Variants in FCHSD2 observed in about 807,000 individuals in gnomAD.
The protein encoded by FCHSD2 is FCH and double SH3 domains 2.
Under a neutral mutation model 108.1 loss-of-function variants are expected in FCHSD2, and 38 were observed. That is an observed-to-expected ratio of 0.35 (90% confidence interval 0.27 to 0.46). FCHSD2 has a LOEUF of 0.46. FCHSD2 is among the 20% of genes least tolerant of loss of function. The probability of loss-of-function intolerance (pLI) is 1.00; values close to 1 mark genes in which losing one functional copy is unlikely to be tolerated. For synonymous variants in FCHSD2, 279 were observed against 314.7 expected, an observed-to-expected ratio of 0.89 and a Z score of 1.20; for missense variants, 751 against 897.8, an observed-to-expected ratio of 0.84 and a Z score of 2.09.
intron 8 of FCHSD2, among the ~76,000 whole-genome samples, chr11:72,948,734 C>T (rs1385800665): frequency 2.7e-5 from 4 of 150,776 alleles, no homozygotes; most frequent in African/African-American, 4.9e-5. Flanking sequence ...GGCACAATCT[C>T]GGCTCACTGC....
intron 3 of FCHSD2, among the ~76,000 whole-genome samples, chr11:73,016,158 C>T (rs1427255137): frequency 6.6e-6 from 1 of 151,998 alleles, no homozygotes; most frequent in East Asian, 1.9e-4. Context: ...CAAAAATTAG[C>T]CGGGTGTGGT....
intron 2 of FCHSD2, among the ~76,000 whole-genome samples, chr11:73,096,381 A>C (rs1475900212): frequency 1.3e-5 from 2 of 148,648 alleles, no homozygotes; most frequent in African/African-American, 4.9e-5. Flanking sequence ...CCTCTACAAA[A>C]AAAAAAAAAA....
chr11:72,957,193 C>G (rs1259385750), intron 8 of FCHSD2, among the ~76,000 whole-genome samples: 1 of 115,538 alleles, frequency 8.7e-6, no homozygotes, highest in Non-Finnish European at 1.7e-5. Flanking sequence ...CTCCCCCCAC[C>G]CCACCACAGT....
intron 4 of FCHSD2, among the ~76,000 whole-genome samples, chr11:73,004,608 C>T (rs1163555630): frequency 4.6e-5 from 7 of 152,154 alleles, no homozygotes; most frequent in Non-Finnish European, 7.3e-5. Context: ...CTTATGTATG[C>T]CCTTTTTACC....
Position 73,140,124 on chromosome 11 carries a change from T to G in FCHSD2, c.26A>C (p.Lys9Thr), listed in dbSNP as rs1445835820. 1 of 1,530,586 alleles carries G rather than the reference T, an allele frequency of 6.5e-7. No individual in the cohort carries two copies. The highest frequency in any genetic ancestry group is 1.4e-5 in the African/African-American group (1 of 72,350). 94.8% of individuals were successfully genotyped at this position (1,530,586 alleles called of 1,614,324 possible). The change falls in exon 2 of 20, where the codon AAA (lysine) becomes ACA (threonine). Residue 9 changes from lysine to threonine, a missense_variant. Lys to Thr is a moderately conservative substitution (Grantham distance 78, BLOSUM62 -1). Coordinates refer to ENST00000409418, the MANE Select transcript of FCHSD2 (RefSeq NM_014824.3). MQPPPRKV[K>T]VTQELKNIQV... Reference sequence around the variant, plus strand: ...AATGTTTTTCAGTTCTTGTGTAACTTTCACCTAAAATATACCATATATTTA... The same window carrying G: ...AATGTTTTTCAGTTCTTGTGTAACTGTCACCTAAAATATACCATATATTTA...
At chr11:72,950,095 T>C (rs1435863050) in intron 8 of FCHSD2, among the ~76,000 whole-genome samples, 3 of 152,236 alleles carry the variant, frequency 2.0e-5, no homozygotes, top group African/African-American at 7.2e-5. Context: ...TGGTATTTCA[T>C]TGTGATTTTG....
chr11:72,887,001 C>T (rs1855211233), intron 12 of FCHSD2, among the ~76,000 whole-genome samples: 1 of 152,008 alleles, frequency 6.6e-6, no homozygotes, highest in African/African-American at 2.4e-5. Flanking sequence ...CAAATCTTCC[C>T]TATTCTTAAA....
intron 12 of FCHSD2, among the ~76,000 whole-genome samples, chr11:72,874,664 T>G (rs1373385811): frequency 1.3e-5 from 2 of 152,216 alleles, no homozygotes; most frequent in African/African-American, 4.8e-5. Flanking sequence ...TAATCCAGTT[T>G]TTATAAGATT....
intron 12 of FCHSD2, among the ~76,000 whole-genome samples, chr11:72,869,905 G>C (rs565461897): frequency 2.0e-4 from 31 of 151,854 alleles, no homozygotes; most frequent in African/African-American, 7.0e-4. Context: ...CATAACTCCT[G>C]ACTGTCTACT....
intron 2 of FCHSD2, among the ~76,000 whole-genome samples, chr11:73,130,041 C>A (rs1860958466): frequency 6.6e-6 from 1 of 151,750 alleles, no homozygotes; most frequent in African/African-American, 2.4e-5. Context: ...CCACCACGCC[C>A]AGCTAATTTT....
At chr11:73,086,277 T>C (rs1859814570) in intron 2 of FCHSD2, among the ~76,000 whole-genome samples, 1 of 151,928 alleles carries the variant, frequency 6.6e-6, no homozygotes, top group Non-Finnish European at 1.5e-5. Context: ...GGCGTGGTGG[T>C]GCGTGCCTGT....
chr11:72,968,683 T>C (rs1057436339), intron 8 of FCHSD2, among the ~76,000 whole-genome samples: 6 of 152,194 alleles, frequency 3.9e-5, no homozygotes, highest in African/African-American at 1.2e-4. Context: ...CCCTGCAAAC[T>C]TTCTCTGTTC....
intron 3 of FCHSD2, among the ~76,000 whole-genome samples, chr11:73,082,151 C>A (rs201841322): frequency 6.6e-6 from 1 of 152,122 alleles, no homozygotes; most frequent in East Asian, 1.9e-4. Context: ...TCCTGGCCAA[C>A]AGGGTGAAAC....
At chr11:72,913,583 C>A (rs1203176746) in intron 9 of FCHSD2, among the ~76,000 whole-genome samples, 1 of 152,134 alleles carries the variant, frequency 6.6e-6, no homozygotes, top group East Asian at 1.9e-4. Context: ...TTATCCATTT[C>A]TTCTGGGTTT....
chr11:72,869,230 C>A (rs1466389537), intron 12 of FCHSD2, among the ~76,000 whole-genome samples: 1 of 152,128 alleles, frequency 6.6e-6, no homozygotes, highest in Non-Finnish European at 1.5e-5. Context: ...TTATAAACTT[C>A]TTGTTTATAT....
chr11:72,888,254 AGAG>A (rs1855239695), intron 11 of FCHSD2, among the ~76,000 whole-genome samples: 1 of 152,340 alleles, frequency 6.6e-6, no homozygotes, highest in South Asian at 2.1e-4. Context: ...GTGGATGACT[AGAG>A]AAGATAACAT....
intron 8 of FCHSD2, among the ~76,000 whole-genome samples, chr11:72,957,789 A>T (rs1856743343): frequency 6.6e-6 from 1 of 152,126 alleles, no homozygotes; most frequent in Middle Eastern, 3.2e-3. Context: ...TCAGAAAAAG[A>T]ATAATGATAA....
intron 4 of FCHSD2, 128 bp downstream of exon 4, chr11:73,015,681 T>C: frequency 1.9e-6 from 1 of 522,122 alleles, no homozygotes; most frequent in Non-Finnish European, 3.4e-6. Flanking sequence ...AATTTTGAAA[T>C]TATATCCGAA....
chr11:72,951,303 G>A (rs1006067526), intron 8 of FCHSD2, among the ~76,000 whole-genome samples: 1 of 152,232 alleles, frequency 6.6e-6, no homozygotes, highest in African/African-American at 2.4e-5. Context: ...TTAAGTGGCA[G>A]AGTTGTAAGC....
Sources: gnomAD v4.1 joint callset for allele counts (sites outside exome capture counted in the v4.1 genomes callset) on GRCh38, gnomAD v4.1.1 for gene constraint, MANE v1.5 for transcripts, NCBI Gene and HGNC (gene_info 2026-07-23, HGNC 2026-07-21) for gene names.